Variants in MED25 observed in about 807,000 individuals in gnomAD.
MED25 encodes the protein mediator complex subunit 25.
In MED25, 62 loss-of-function variants were observed where a neutral mutation model predicts 89.4. The observed-to-expected ratio is 0.69, with a 90% confidence interval of 0.57 to 0.86. MED25 has a LOEUF of 0.86. Among genes scored for constraint, MED25 ranks in the 40% least tolerant of loss-of-function variants. The pLI, the probability that MED25 is intolerant of heterozygous loss-of-function variation, is 0.00. For synonymous variants in MED25, 449 were observed against 427.9 expected, an observed-to-expected ratio of 1.05 and a Z score of -0.61; for missense variants, 905 against 1,005.2, an observed-to-expected ratio of 0.90 and a Z score of 1.35.
chr19:49,836,841 C>T lies in MED25; in HGVS notation c.2147-6C>T. The T allele has an allele frequency of 6.2e-7, 1 of 1,608,000 alleles. No homozygotes were observed. Among genetic ancestry groups the T allele is most frequent in the Non-Finnish European group, 8.5e-7 (1 of 1,176,600 alleles). On this transcript the variant is annotated splice_polypyrimidine_tract_variant and splice_region_variant and intron_variant, in intron 17 of 17. Coordinates refer to ENST00000312865, the MANE Select transcript of MED25 (RefSeq NM_030973.4). This position sits in a 1 kb window ranked among gnomAD's most constrained non-coding sequence, Gnocchi z 5.1. ...GAGATGCAGTCCCTTCCCCACTGCC[C>T]CTCAGGTCAGATGCTGCTGAGCGGG...
Position 49,829,729 on chromosome 19 carries a change from G to A in MED25, c.526-57G>A, listed in dbSNP as rs2074039557. ...CAGCAGTTGTGGTAGGTTGGGGGCC[G>A]GCCCCAACACCCTTATGGAGGGGGC... is the stretch of plus-strand genomic sequence containing the variant. On this transcript the variant is annotated intron_variant, in intron 5 of 17. Coordinates refer to ENST00000312865, the MANE Select transcript of MED25 (RefSeq NM_030973.4). The surrounding 1 kb of genome is among the most constrained non-coding windows in gnomAD (Gnocchi z 4.6). The A allele has an allele frequency of 5.9e-6, 9 of 1,527,094 alleles. No homozygotes were observed. In the East Asian group the frequency reaches 7.4e-5, roughly 13 times the overall value. The allele number at this position is 1,527,094 out of a possible 1,614,324, so 94.6% of individuals were successfully genotyped here. A position where few individuals can be genotyped will look rare whatever the true frequency, so the allele number is the denominator to read the frequency against.
intron 13 of MED25, chr19:49,833,707 C>T (rs970522658): frequency 3.9e-5 from 6 of 152,244 alleles, no homozygotes; most frequent in African/African-American, 1.2e-4. Context: ...ACGGGGTTGC[C>T]ATCAGATGGC....
Position 49,836,794 on chromosome 19 carries a change from C to T in MED25, c.2147-53C>T. 7.1e-7 allele frequency: 1 copy of T among 1,410,090 alleles called. No individual in the cohort carries two copies. The highest frequency in any genetic ancestry group is 1.0e-6 in the Non-Finnish European group (1 of 1,003,250). 87.3% of individuals were successfully genotyped at this position (1,410,090 alleles called of 1,614,324 possible). A position where few individuals can be genotyped will look rare whatever the true frequency, so the allele number is the denominator to read the frequency against. On this transcript the variant is annotated intron_variant, in intron 17 of 17. Coordinates refer to ENST00000312865, the MANE Select transcript of MED25 (RefSeq NM_030973.4). The surrounding 1 kb of genome is among the most constrained non-coding windows in gnomAD (Gnocchi z 5.1). ...AGAAAACTTAGTGCCTCTGGGCCCT[C>T]CTGGGCCCAAGGGCCTACTGGGAGA...
In MED25 at chr19:49,831,160, C is replaced by T. The variant is rs992623932; in HGVS notation, c.1102-173C>T. 2.6e-5 allele frequency among the ~76,000 whole-genome samples: 4 copies of T among 152,152 alleles called. No individual in the cohort carries two copies. Among genetic ancestry groups the T allele is most frequent in the Non-Finnish European group, 4.4e-5 (3 of 68,022 alleles). ...GGGCATCGCACAGCTTACGAGTCCT[C>T]GAATCCTGCAAGGTCCAAGCATTTG... On this transcript the variant is annotated intron_variant, in intron 9 of 17. Coordinates refer to ENST00000312865, the MANE Select transcript of MED25 (RefSeq NM_030973.4). The surrounding 1 kb of genome is among the most constrained non-coding windows in gnomAD (Gnocchi z 5.0).
chr19:49,832,249 C>T, intron 12 of MED25, 59 bp from the exon 13 acceptor site: 1 of 1,525,470 alleles, frequency 6.6e-7, no homozygotes, highest in Non-Finnish European at 9.0e-7. Flanking sequence ...CTCCCTGCCT[C>T]ATGTCCCCGC....
Position 49,831,970 on chromosome 19 carries a change from A to G in MED25, c.1265A>G (p.Lys422Arg), listed in dbSNP as rs2074060628. 1.2e-6 allele frequency: 2 copies of G among 1,613,852 alleles called. No individual in the cohort carries two copies. Among genetic ancestry groups the G allele is most frequent in the Non-Finnish European group, 8.5e-7 (1 of 1,179,950 alleles). The change falls in exon 11 of 18, where the codon AAG (lysine) becomes AGG (arginine). Residue 422 changes from lysine (K) to arginine (R), a missense_variant. Lys to Arg is a conservative substitution (Grantham distance 26, BLOSUM62 2). Coordinates refer to ENST00000312865, the MANE Select transcript of MED25 (RefSeq NM_030973.4). This position sits in a 1 kb window ranked among gnomAD's most constrained non-coding sequence, Gnocchi z 5.0. ...PKPASVDANT[K>R]LTRSLPCQVY... ...CCTGCCTCAGTGGATGCCAACACCA[A>G]GCTGACGCGGTCACTGCCCTGCCAG... is the stretch of plus-strand genomic sequence containing the variant.
chr19:49,834,446 T>C lies in MED25; in HGVS notation c.1483-540T>C. 1 of 178,274 alleles carries C rather than the reference T, an allele frequency of 5.6e-6. No homozygotes were observed. The highest frequency in any genetic ancestry group is 1.2e-5 in the Non-Finnish European group (1 of 81,662). The allele number at this position is 178,274 out of a possible 1,614,324, so 11.0% of individuals were successfully genotyped here. Reference sequence around the variant, plus strand: ...CCAGTGATGTTTCCTGGGTGCTTCCTGTGGGCTGAGCCTCAGGCAGGGCTC... The same window carrying C: ...CCAGTGATGTTTCCTGGGTGCTTCCCGTGGGCTGAGCCTCAGGCAGGGCTC... On this transcript the variant is annotated intron_variant, in intron 13 of 17. Transcript: ENST00000312865. This position sits in a 1 kb window ranked among gnomAD's most constrained non-coding sequence, Gnocchi z 4.1.
rs755933726 is a variant in MED25, at chr19:49,829,985, G to A, written c.688+37G>A. 3.7e-5 allele frequency: 60 copies of A among 1,600,464 alleles called. No individual in the cohort carries two copies. The highest frequency in any genetic ancestry group is 5.0e-5 in the Admixed American group (3 of 59,648). Reference sequence around the variant, plus strand: ...GCACCGTGCGCGGGGATGGGGGCTCGACGTGTTTCCCCAGCTCCCTCTGAC... The same window carrying A: ...GCACCGTGCGCGGGGATGGGGGCTCAACGTGTTTCCCCAGCTCCCTCTGAC... On this transcript the variant is annotated intron_variant, in intron 6 of 17. Transcript: ENST00000312865. This position sits in a 1 kb window ranked among gnomAD's most constrained non-coding sequence, Gnocchi z 4.6.
In MED25 at chr19:49,829,830, G is replaced by C. The variant is rs759800230; in HGVS notation, c.570G>C (p.Ala190=). The change falls in exon 6 of 18, where the codon GCG becomes GCC. Residue 190 remains alanine (A), a synonymous_variant. Coordinates refer to ENST00000312865, the MANE Select transcript of MED25 (RefSeq NM_030973.4). The surrounding 1 kb of genome is among the most constrained non-coding windows in gnomAD (Gnocchi z 4.6). The stretch of plus-strand genomic sequence containing the variant: ...TTGTGTCTCCCCGGAAGCTGCCTGC[G>C]CTTCGGCTTCTGTTTGAGAAGGCAG... ...FSIVSPRKLP[A]LRLLFEKAAP... 3.3e-5 allele frequency: 53 copies of C among 1,608,832 alleles called. No individual in the cohort carries two copies. The highest frequency in any genetic ancestry group is 4.0e-5 in the Non-Finnish European group (47 of 1,177,978).
intron 3 of MED25, among the ~76,000 whole-genome samples, chr19:49,821,594 C>A (rs2123865853): frequency 6.6e-6 from 1 of 151,418 alleles, no homozygotes; most frequent in East Asian, 2.0e-4. Flanking sequence ...TGGTGAAACC[C>A]TGCCTCTACT....
chr19:49,825,242 GGTTTT>G (rs927964693), intron 3 of MED25, among the ~76,000 whole-genome samples: 32 of 151,802 alleles, frequency 2.1e-4, no homozygotes, highest in South Asian at 4.2e-4. Flanking sequence ...TCCTCATAAG[GGTTTT>G]GTTTTGTTTT....
At chr19:49,827,144 C>T (rs1355666564) in intron 3 of MED25, among the ~76,000 whole-genome samples, 4 of 152,260 alleles carry the variant, frequency 2.6e-5, no homozygotes, top group Admixed American at 6.5e-5. Flanking sequence ...GAGGGGTGCT[C>T]GGTCTCCACA....
At position 49,819,225 on chromosome 19, in the gene MED25, C is replaced by T. The variant is rs74863643; in HGVS notation, c.234C>T (p.Pro78=). 2.7e-5 allele frequency: 44 copies of T among 1,614,080 alleles called. No homozygotes were observed. The Admixed American group carries it at 4.5e-4, about 17-fold the overall frequency. Residue 78 remains proline, a synonymous_variant, in exon 3 of 18, where the codon CCC becomes CCT. Transcript: ENST00000312865. ...TGTTCAACACAGTGGACTGCGCTCC[C>T]GAGTCCTACGTACAATGTCACGCTC... The part of the protein sequence containing the change: ...LVVFNTVDCA[P]ESYVQCHAPT...
At chr19:49,825,412 C>T (rs1175298254) in intron 3 of MED25, among the ~76,000 whole-genome samples, 1 of 152,024 alleles carries the variant, frequency 6.6e-6, no homozygotes, top group African/African-American at 2.4e-5. Flanking sequence ...CCATGTCTGG[C>T]TGGTTTTTGT....
chr19:49,832,026 G>A lies in MED25; in HGVS notation c.1316+5G>A. On this transcript the variant is annotated splice_donor_5th_base_variant and intron_variant, in intron 11 of 17. Transcript: ENST00000312865. The stretch of plus-strand genomic sequence containing the variant: ...CGTGAATCATGGCGAGAACCTGTAG[G>A]TGACAGTCAGGGGCGGGGTGTGGTG... 1 of 1,613,942 alleles carries A rather than the reference G, an allele frequency of 6.2e-7. No individual in the cohort carries two copies. Among genetic ancestry groups the A allele is most frequent in the Non-Finnish European group, 8.5e-7 (1 of 1,179,874 alleles).
chr19:49,840,093 A>G (rs1048651074), downstream of MED25: 2 of 151,934 alleles, frequency 1.3e-5, no homozygotes, highest in Non-Finnish European at 2.9e-5. Context: ...CAAATTAAAC[A>G]TCGTTCCCAG....
chr19:49,822,721 C>A (rs2073991897), intron 3 of MED25, among the ~76,000 whole-genome samples: 1 of 141,142 alleles, frequency 7.1e-6, no homozygotes, highest in South Asian at 2.4e-4. Context: ...GATCTCAGCT[C>A]ACTGCAAGCT....
intron 3 of MED25, among the ~76,000 whole-genome samples, chr19:49,820,785 C>T (rs937562335): frequency 1.3e-5 from 2 of 152,086 alleles, no homozygotes; most frequent in Non-Finnish European, 2.9e-5. Flanking sequence ...GGCGCTGGAT[C>T]GGATTTTGAT....
At position 49,834,810 on chromosome 19, in the gene MED25, C is replaced by T. The variant is rs934277074; in HGVS notation, c.1483-176C>T. ...AGCTGGAACCCTAGCTTGCCCTGAGCGCCTCAGTTTCTGTCTCCAGAGCAA... is the reference window on the plus strand; with the variant it reads ...AGCTGGAACCCTAGCTTGCCCTGAGTGCCTCAGTTTCTGTCTCCAGAGCAA... On this transcript the variant is annotated intron_variant, in intron 13 of 17. Transcript: ENST00000312865. The surrounding 1 kb of genome is among the most constrained non-coding windows in gnomAD (Gnocchi z 4.1). The T allele has an allele frequency of 4.9e-5, 32 of 650,482 alleles. No individual in the cohort carries two copies. The East Asian group carries it at 6.8e-4, about 14-fold the overall frequency. 40.3% of individuals were successfully genotyped at this position (650,482 alleles called of 1,614,324 possible).
Sources: allele counts gnomAD v4.1 joint callset (sites outside exome capture counted in the v4.1 genomes callset), GRCh38; gene constraint gnomAD v4.1.1; non-coding constraint Gnocchi (gnomAD v3.1); transcripts MANE v1.5; gene names NCBI Gene and HGNC (gene_info 2026-07-23, HGNC 2026-07-21).